Variants in GLRA2 observed in about 807,000 individuals in gnomAD.
GLRA2 encodes the protein glycine receptor alpha 2.
In GLRA2, 11 loss-of-function variants were observed where a neutral mutation model predicts 31.6. The ratio of observed to expected loss-of-function variants is 0.35; its 90% confidence interval spans 0.22 to 0.58. The LOEUF is 0.58. Ranked by LOEUF, GLRA2 falls within the 20% of genes least tolerant of loss-of-function variation. The pLI is 0.84. For missense variants in GLRA2, 212 were observed against 351.8 expected (o/e 0.60, Z 3.18); for synonymous variants, 132 against 134.0 (o/e 0.99, Z 0.10).
chrX:14,672,479 G>A (rs187933030), intron 7 of GLRA2, among the ~76,000 whole-genome samples: 7 of 112,332 alleles, frequency 6.2e-5, no homozygotes, highest in Non-Finnish European at 9.4e-5. Flanking sequence ...TCAAGAGGCA[G>A]TAGGATTTCT....
chrX:14,590,913 G>A (rs868706092), intron 4 of GLRA2, among the ~76,000 whole-genome samples: 4 of 111,917 alleles, frequency 3.6e-5, no homozygotes, highest in Middle Eastern at 4.6e-3. Context: ...AGGTCGGGAG[G>A]GTGGGAAGCA....
chrX:14,599,560 A>G (rs1410869529), intron 4 of GLRA2, among the ~76,000 whole-genome samples: 1 of 112,438 alleles, frequency 8.9e-6, no homozygotes, highest in Non-Finnish European at 1.9e-5. Flanking sequence ...AAATAATATC[A>G]AGTTCTTTTT....
chrX:14,627,498 T>C (rs915231035), intron 7 of GLRA2, among the ~76,000 whole-genome samples: 21 of 111,732 alleles, frequency 1.9e-4, no homozygotes, highest in Admixed American at 1.2e-3. Context: ...ATGTCCTCCA[T>C]GCCAGTTACA....
chrX:14,593,120 C>T (rs1261286273), intron 4 of GLRA2, among the ~76,000 whole-genome samples: 1 of 112,094 alleles, frequency 8.9e-6, no homozygotes. Context: ...TGCATAATGT[C>T]ACCATGGCTC....
the GLRA2 span, among the ~76,000 whole-genome samples, chrX:14,459,349 A>C: frequency 9.0e-6 from 1 of 111,030 alleles, no homozygotes; most frequent in Non-Finnish European, 1.9e-5. Context: ...TTGACTTGGC[A>C]ATGAGGGCTC....
chrX:14,576,639 CA>C (rs113307552), intron 3 of GLRA2, among the ~76,000 whole-genome samples: 6 of 111,075 alleles, frequency 5.4e-5, no homozygotes, highest in Non-Finnish European at 7.6e-5. Flanking sequence ...TTCATTAATG[CA>C]AAAAAAAGCT....
intron 7 of GLRA2, among the ~76,000 whole-genome samples, chrX:14,673,027 A>T (rs1483363507): frequency 9.0e-6 from 1 of 111,582 alleles, no homozygotes; most frequent in African/African-American, 3.3e-5. Flanking sequence ...TCAGTCCACA[A>T]GCCAGAGTCT....
chrX:14,457,503 T>C, the GLRA2 span, among the ~76,000 whole-genome samples: 1 of 111,755 alleles, frequency 8.9e-6, no homozygotes, highest in Admixed American at 9.5e-5. Context: ...TCCAGCTTCA[T>C]CCATGTCCCT....
At position 14,583,764 on chromosome X, in the gene GLRA2, C is replaced by A. The variant is rs755553504; in HGVS notation, c.494+2358C>A. The stretch of plus-strand genomic sequence containing the variant: ...AACAAACAAAAACAAAAACAAAAAA[C>A]CAAACAAAACAAAAACTGGCACTGT... On this transcript the variant is annotated intron_variant, in intron 4 of 8. Transcript: ENST00000218075. Among the ~76,000 whole-genome samples, 7 of 110,577 alleles carry A rather than the reference C, an allele frequency of 6.3e-5. No individual in the cohort carries two copies. The East Asian group carries it at 1.4e-3, about 22-fold the overall frequency.
intron 8 of GLRA2, among the ~76,000 whole-genome samples, chrX:14,691,328 C>CGT (rs1253576195): frequency 1.0e-5 from 1 of 100,076 alleles, no homozygotes; most frequent in Admixed American, 1.1e-4. Flanking sequence ...TGTGTGTGCG[C>CGT]GCGTGCGTGC....
chrX:14,459,087 A>C, the GLRA2 span, among the ~76,000 whole-genome samples: 1 of 112,105 alleles, frequency 8.9e-6, no homozygotes, highest in Non-Finnish European at 1.9e-5. Flanking sequence ...AGCTTTCTGC[A>C]TATAGCTAGC....
At chrX:14,449,584 A>C in the GLRA2 span, among the ~76,000 whole-genome samples, 1 of 112,066 alleles carries the variant, frequency 8.9e-6, no homozygotes, top group Admixed American at 9.4e-5. Context: ...CACCTGATCC[A>C]TGTGCCCACT....
the GLRA2 span, among the ~76,000 whole-genome samples, chrX:14,499,871 T>A: frequency 2.7e-3 from 301 of 111,418 alleles, no homozygotes; most frequent in African/African-American, 7.8e-3. Flanking sequence ...GGATTTTTTT[T>A]TAAAAAAATT....
At chrX:14,572,815 A>T (rs1351398145) in intron 2 of GLRA2, among the ~76,000 whole-genome samples, 3 of 112,360 alleles carry the variant, frequency 2.7e-5, no homozygotes, top group Non-Finnish European at 5.6e-5. Context: ...GGGCCCTCTC[A>T]AATGAATGAG....
chrX:14,493,591 A>C, the GLRA2 span, among the ~76,000 whole-genome samples: 1 of 102,774 alleles, frequency 9.7e-6, no homozygotes, highest in African/African-American at 3.7e-5. Flanking sequence ...ATATACACAT[A>C]TATACATATA....
Position 14,641,739 on chromosome X carries a change from C to G in GLRA2, c.930+32534C>G, listed in dbSNP as rs961578452. On this transcript the variant is annotated intron_variant, in intron 7 of 8. Transcript: ENST00000218075. Reference sequence around the variant, plus strand: ...TTATCCAACACACTGGGGAAACATTCACGTGTTGATCTGGACCACTCAGAC... The same window carrying G: ...TTATCCAACACACTGGGGAAACATTGACGTGTTGATCTGGACCACTCAGAC... Among the ~76,000 whole-genome samples, 12 of 111,705 alleles carry G rather than the reference C, an allele frequency of 1.1e-4. 1 individual carries two copies.
At chrX:14,676,902 T>G (rs972299604) in intron 7 of GLRA2, among the ~76,000 whole-genome samples, 1 of 111,736 alleles carries the variant, frequency 8.9e-6, no homozygotes, top group African/African-American at 3.2e-5. Flanking sequence ...AAAAGAATAT[T>G]AATGGGAAAC....
chrX:14,564,258 A>G (rs2089772116), intron 2 of GLRA2, among the ~76,000 whole-genome samples: 1 of 110,656 alleles, frequency 9.0e-6, no homozygotes, highest in East Asian at 2.8e-4. Flanking sequence ...AAGACTATCA[A>G]CTGGTTTCTC....
chrX:14,656,567 A>G (rs774312891), intron 7 of GLRA2, among the ~76,000 whole-genome samples: 11 of 112,046 alleles, frequency 9.8e-5, no homozygotes, highest in Non-Finnish European at 1.3e-4. Flanking sequence ...TTTGACCCTG[A>G]GCAGATCACT....
Sources: allele counts gnomAD v4.1 joint callset (sites outside exome capture counted in the v4.1 genomes callset), GRCh38; gene constraint gnomAD v4.1.1; transcripts MANE v1.5; gene names NCBI Gene and HGNC (gene_info 2026-07-23, HGNC 2026-07-21).